The following TRIM61 variants were observed in gnomAD, a reference collection of about 807,000 sequenced individuals.
TRIM61 encodes putative tripartite motif-containing protein 61.
In TRIM61, 1 loss-of-function variant was observed where a neutral mutation model predicts 14.2. That is an observed-to-expected ratio of 0.07 (90% CI 0.03 to 0.33). The LOEUF is 0.33. Among genes scored for constraint, TRIM61 ranks in the 10% least tolerant of loss-of-function variants. The probability of loss-of-function intolerance (pLI) is 0.99; values close to 1 mark genes in which losing one functional copy is unlikely to be tolerated. For synonymous variants in TRIM61, 8 were observed against 71.6 expected, an observed-to-expected ratio of 0.11 and a Z score of 4.49; for missense variants, 19 against 202.2, an observed-to-expected ratio of 0.09 and a Z score of 5.49.
intron 2 of TRIM61, among the ~76,000 whole-genome samples, chr4:164,973,261 A>G (rs1732409664): frequency 6.6e-6 from 1 of 152,250 alleles, no homozygotes; most frequent in South Asian, 2.1e-4. Context: ...CTAGAGCTGT[A>G]AAAGCGGAGT....
At chr4:164,964,104 C>T (rs1302889346) in intron 3 of TRIM61, among the ~76,000 whole-genome samples, 1 of 151,722 alleles carries the variant, frequency 6.6e-6, no homozygotes, top group Non-Finnish European at 1.5e-5. Context: ...AATCTCAGCA[C>T]TTTGGGAGGC....
At chr4:164,957,348 C>A in intron 3 of TRIM61, 1 of 1,614,032 alleles carries the variant, frequency 6.2e-7, no homozygotes, top group Non-Finnish European at 8.5e-7. Flanking sequence ...GTCACGCCAC[C>A]GAAATTGCCA....
rs192020758 is a variant in TRIM61 at position 164,967,988 on chromosome 4, T to C, written c.525+1490A>G. Among the ~76,000 whole-genome samples the C allele has an allele frequency of 3.8e-3, 574 of 151,766 alleles. 10 individuals are homozygous for C. The highest frequency in any genetic ancestry group is 0.028 in the East Asian group (145 of 5,138). ...CCAACATGGTGAAACCCCGTCTCTA[T>C]TAAAAATACAAAAATTAGCTGGGTG... On this transcript the variant is annotated intron_variant, in intron 3 of 4. Transcript: ENST00000329314.
intron 3 of TRIM61, among the ~76,000 whole-genome samples, chr4:164,956,249 A>G (rs984309901): frequency 6.6e-6 from 1 of 151,960 alleles, no homozygotes; most frequent in East Asian, 1.9e-4. Flanking sequence ...TATTTTTTGT[A>G]CAGACAGGGT....
chr4:164,967,959 C>G (rs969088540), intron 3 of TRIM61, among the ~76,000 whole-genome samples: 2 of 151,960 alleles, frequency 1.3e-5, no homozygotes, highest in Non-Finnish European at 1.5e-5. Flanking sequence ...CGACACCAGC[C>G]TGACCAACAT....
At chr4:164,962,891 A>ATCAG (rs1732167341) in intron 3 of TRIM61, among the ~76,000 whole-genome samples, 1 of 152,202 alleles carries the variant, frequency 6.6e-6, no homozygotes, top group African/African-American at 2.4e-5. Context: ...ACCACAAAGG[A>ATCAG]TCAGTGAGAA....
intron 3 of TRIM61, chr4:164,956,893 T>C (rs539084907): frequency 3.7e-5 from 34 of 917,096 alleles, no homozygotes; most frequent in Admixed American, 6.1e-5. Flanking sequence ...GGCGAGTCCG[T>C]AGCGGAAGTC....
At chr4:164,965,803 TAA>T (rs1448903666) in intron 3 of TRIM61, among the ~76,000 whole-genome samples, 3 of 143,824 alleles carry the variant, frequency 2.1e-5, no homozygotes, top group South Asian at 4.4e-4. Context: ...TAAAAATACA[TAA>T]GAGTGAATTG....
At chr4:164,962,472 T>C (rs971631883) in intron 3 of TRIM61, among the ~76,000 whole-genome samples, 2 of 151,934 alleles carry the variant, frequency 1.3e-5, no homozygotes, top group African/African-American at 4.8e-5. Context: ...CTCGATCTCC[T>C]GACCTCGTGA....
intron 3 of TRIM61, chr4:164,957,340 C>T (rs138873080): frequency 6.2e-7 from 1 of 1,614,096 alleles, no homozygotes; most frequent in South Asian, 1.1e-5. Flanking sequence ...TTCCGGCTGT[C>T]ACGCCACCGA....
At chr4:164,968,583 T>C (rs1732292586) in intron 3 of TRIM61, 3 of 985,718 alleles carry the variant, frequency 3.0e-6, no homozygotes, top group Admixed American at 1.2e-4. Flanking sequence ...AGTCTTCTAA[T>C]AATTCATTCA....
chr4:164,956,951 TC>T, intron 3 of TRIM61: 1 of 1,400,206 alleles, frequency 7.1e-7, no homozygotes, highest in South Asian at 1.5e-5. Context: ...TCTCTGGGCT[TC>T]GACTTCCGGG....
intron 3 of TRIM61, among the ~76,000 whole-genome samples, chr4:164,959,495 G>T (rs867770366): frequency 4.9e-4 from 73 of 147,480 alleles, no homozygotes; most frequent in African/African-American, 1.2e-3. Context: ...TTTTCCTTGT[G>T]CTGTGAGATG....
intron 3 of TRIM61, chr4:164,969,118 T>A (rs1732303352): frequency 9.0e-7 from 1 of 1,113,544 alleles, no homozygotes; most frequent in African/African-American, 1.7e-5. Context: ...GAATTACATC[T>A]ACTTGAAATC....
At chr4:164,956,200 G>A (rs1731985847) in intron 3 of TRIM61, among the ~76,000 whole-genome samples, 2 of 152,086 alleles carry the variant, frequency 1.3e-5, no homozygotes. Context: ...GGAGTAGCTG[G>A]GACCACAGGG....
chr4:164,975,978 G>T (rs962915876), intron 2 of TRIM61, among the ~76,000 whole-genome samples: 1 of 152,198 alleles, frequency 6.6e-6, no homozygotes, highest in Non-Finnish European at 1.5e-5. Context: ...TGGGAGGCGA[G>T]ACATGTTTGC....
At chr4:164,955,553 A>C (rs1731965318) in intron 3 of TRIM61, among the ~76,000 whole-genome samples, 1 of 144,162 alleles carries the variant, frequency 6.9e-6, no homozygotes, top group Non-Finnish European at 1.5e-5. Flanking sequence ...TGGGTGACTA[A>C]GAGAGATTCA....
intron 3 of TRIM61, among the ~76,000 whole-genome samples, chr4:164,967,221 T>C (rs1732261921): frequency 6.6e-6 from 1 of 152,226 alleles, no homozygotes; most frequent in African/African-American, 2.4e-5. Context: ...AAACTACAAA[T>C]TTCAGAGACA....
chr4:164,967,315 C>G (rs778990300), intron 3 of TRIM61, among the ~76,000 whole-genome samples: 1 of 152,186 alleles, frequency 6.6e-6, no homozygotes, highest in African/African-American at 2.4e-5. Context: ...TAAAAAGATA[C>G]AACATAATCC....
Sources: allele counts gnomAD v4.1 joint callset (sites outside exome capture counted in the v4.1 genomes callset), GRCh38; gene constraint gnomAD v4.1.1; transcripts MANE v1.5; gene names NCBI Gene and HGNC (gene_info 2026-07-23, HGNC 2026-07-21).